The following COL23A1 variants were observed in gnomAD, a reference collection of about 807,000 sequenced individuals.
COL23A1 encodes collagen alpha-1(XXIII) chain.
A neutral mutation model predicts 99.3 loss-of-function variants in COL23A1; 97 were observed. The ratio of observed to expected loss-of-function variants is 0.98; its 90% CI spans 0.83 to 1.16. The LOEUF (loss-of-function observed/expected upper bound fraction) is 1.16, where lower values mean the gene tolerates loss of function less well. COL23A1 is among the 50% of genes most tolerant of loss of function. The pLI is 0.00. For synonymous variants in COL23A1, 320 were observed against 308.2 expected, an observed-to-expected ratio of 1.04 and a Z score of -0.40; for missense variants, 762 against 757.4, an observed-to-expected ratio of 1.01 and a Z score of -0.07.
intron 2 of COL23A1, among the ~76,000 whole-genome samples, chr5:178,375,230 A>G (rs1763009384): frequency 6.6e-6 from 1 of 151,908 alleles, no homozygotes; most frequent in Non-Finnish European, 1.5e-5. Context: ...CCACAGGGAC[A>G]GAAAGTAGAC....
intron 2 of COL23A1, among the ~76,000 whole-genome samples, chr5:178,353,443 A>G (rs1561889785): frequency 6.6e-6 from 1 of 152,334 alleles, no homozygotes; most frequent in Admixed American, 6.5e-5. Flanking sequence ...TCCAACCCAC[A>G]TGAAAACTTC....
At position 178,256,384 on chromosome 5, in the gene COL23A1, T is replaced by A; in HGVS notation, c.851A>T (p.His284Leu). The change falls in exon 15 of 29, where the codon CAC (histidine) becomes CTC (leucine). Residue 284 changes from histidine to leucine, a missense_variant. By Grantham distance (99) the His-to-Leu change is moderately conservative. Transcript: ENST00000390654. ...GAPGPKGEPG[H>L]RGTDGAAGPR... ...CCCTGCAGCTCCATCCGTGCCTCGG[T>A]GGCCAGGCTCCCCCTGTGGAGACAT... is the stretch of plus-strand genomic sequence containing the variant. The A allele has an allele frequency of 6.2e-7, 1 of 1,606,312 alleles. No homozygotes were observed. Among genetic ancestry groups the A allele is most frequent in the Non-Finnish European group, 8.5e-7 (1 of 1,175,736 alleles).
At position 178,427,171 on chromosome 5, in the gene COL23A1, C is replaced by T. The variant is rs143399352; in HGVS notation, c.362-120252G>A. On this transcript the variant is annotated intron_variant, in intron 2 of 28. Transcript: ENST00000390654. The stretch of plus-strand genomic sequence containing the variant: ...TCACACCATTGCACTCCAGCCTGGG[C>T]GACAAGAGCAAAACTGTGTCTCAAA... Among the ~76,000 whole-genome samples the T allele has an allele frequency of 4.3e-3, 652 of 152,174 alleles. 7 individuals are homozygous for T. The highest frequency in any genetic ancestry group is 0.015 in the African/African-American group (613 of 41,510).
chr5:178,557,806 T>A (rs1278183446), intron 2 of COL23A1, among the ~76,000 whole-genome samples: 1 of 152,112 alleles, frequency 6.6e-6, no homozygotes, highest in Non-Finnish European at 1.5e-5. Context: ...AGGGCCTCTG[T>A]TCTTTGTAAG....
At chr5:178,363,924 C>G (rs374481742) in intron 2 of COL23A1, among the ~76,000 whole-genome samples, 2 of 152,218 alleles carry the variant, frequency 1.3e-5, no homozygotes, top group African/African-American at 4.8e-5. Context: ...ATTTGTCACA[C>G]GTGGTCAGCA....
intron 2 of COL23A1, among the ~76,000 whole-genome samples, chr5:178,374,662 T>C (rs1762976416): frequency 6.6e-6 from 1 of 152,220 alleles, no homozygotes; most frequent in South Asian, 2.1e-4. Context: ...GCTGAAAACC[T>C]GTTAGTTAAA....
chr5:178,276,793 T>C (rs77814623), intron 5 of COL23A1, among the ~76,000 whole-genome samples: 1 of 152,242 alleles, frequency 6.6e-6, no homozygotes, highest in African/African-American at 2.4e-5. Context: ...TGCTGGTGCC[T>C]TGAGGGTGGC....
intron 2 of COL23A1, among the ~76,000 whole-genome samples, chr5:178,377,727 C>T (rs532832523): frequency 2.0e-4 from 31 of 152,246 alleles, no homozygotes; most frequent in South Asian, 1.7e-3. Flanking sequence ...AGTCTGTCAC[C>T]GGGAGGCCGA....
At chr5:178,448,524 G>C (rs1220006942) in intron 2 of COL23A1, among the ~76,000 whole-genome samples, 1 of 152,202 alleles carries the variant, frequency 6.6e-6, no homozygotes, top group Non-Finnish European at 1.5e-5. Flanking sequence ...CATAGTTCTG[G>C]AGGCTTGGAA....
chr5:178,263,085 A>C (rs1023967611), intron 9 of COL23A1, 123 bp downstream of exon 9: 1 of 799,900 alleles, frequency 1.3e-6, no homozygotes, highest in Non-Finnish European at 2.2e-6. Context: ...CAGTGTCTGG[A>C]TTAGGGTTAA....
At chr5:178,574,803 T>C (rs262056) in intron 1 of COL23A1, among the ~76,000 whole-genome samples, 43,421 of 151,956 alleles carry the variant, frequency 0.29, 6,435 homozygotes, top group African/African-American at 0.35. Flanking sequence ...CATCTCCGAG[T>C]TGGAGAGAAT....
At chr5:178,389,001 A>C (rs535370618) in intron 2 of COL23A1, among the ~76,000 whole-genome samples, 9 of 152,170 alleles carry the variant, frequency 5.9e-5, no homozygotes, top group Non-Finnish European at 1.0e-4. Context: ...CTCCAGGGAC[A>C]CTGATTTGGG....
chr5:178,321,996 CTTT>C (rs34320293), intron 2 of COL23A1, among the ~76,000 whole-genome samples: 3 of 142,592 alleles, frequency 2.1e-5, no homozygotes, highest in Admixed American at 6.9e-5. Flanking sequence ...TAATTTTTAA[CTTT>C]TTTTTTTTTT....
At chr5:178,390,359 G>A (rs983677756) in intron 2 of COL23A1, among the ~76,000 whole-genome samples, 1 of 152,208 alleles carries the variant, frequency 6.6e-6, no homozygotes, top group Non-Finnish European at 1.5e-5. Context: ...GAGGCACATG[G>A]CCATGAGGCA....
chr5:178,462,389 G>C (rs1392989730), intron 2 of COL23A1, among the ~76,000 whole-genome samples: 1 of 152,066 alleles, frequency 6.6e-6, no homozygotes, highest in Non-Finnish European at 1.5e-5. Flanking sequence ...TTTTATCTTT[G>C]CATTTGAGGC....
chr5:178,584,793 G>A (rs993216689), intron 1 of COL23A1, among the ~76,000 whole-genome samples: 2 of 152,198 alleles, frequency 1.3e-5, no homozygotes, highest in African/African-American at 4.8e-5. Flanking sequence ...CAGGTGCACT[G>A]TATGTGGTCT....
At chr5:178,380,579 A>G (rs905658644) in intron 2 of COL23A1, among the ~76,000 whole-genome samples, 1 of 152,154 alleles carries the variant, frequency 6.6e-6, no homozygotes, top group Non-Finnish European at 1.5e-5. Context: ...TTTTAACAGA[A>G]TGTATACATT....
At position 178,307,644 on chromosome 5, in the gene COL23A1, G is replaced by A. The variant is rs950579849; in HGVS notation, c.362-725C>T. ...GAGTAACCTCAGCGCTGAAGGAGACGCTTTGACTCTGGCCGTGGGAGCAGA... is the reference window on the plus strand; with the variant it reads ...GAGTAACCTCAGCGCTGAAGGAGACACTTTGACTCTGGCCGTGGGAGCAGA... On this transcript the variant is annotated intron_variant, in intron 2 of 28. Transcript: ENST00000390654. This position sits in a 1 kb window ranked among gnomAD's most constrained non-coding sequence, Gnocchi z 4.2. Among the ~76,000 whole-genome samples, 3 of 152,208 alleles carry A rather than the reference G, an allele frequency of 2.0e-5. No individual in the cohort carries two copies. Among genetic ancestry groups the A allele is most frequent in the Admixed American group, 6.5e-5 (1 of 15,286 alleles).
chr5:178,271,133 G>A (rs572151128), intron 5 of COL23A1, among the ~76,000 whole-genome samples: 25 of 152,232 alleles, frequency 1.6e-4, no homozygotes, highest in South Asian at 8.3e-4. Flanking sequence ...ACAGCAGCCC[G>A]TGCCAGACAC....
Sources: allele counts gnomAD v4.1 joint callset (sites outside exome capture counted in the v4.1 genomes callset), GRCh38; gene constraint gnomAD v4.1.1; non-coding constraint Gnocchi (gnomAD v3.1); transcripts MANE v1.5; gene names NCBI Gene and HGNC (gene_info 2026-07-23, HGNC 2026-07-21).